C12orf42: variants seen among roughly 807,000 people sequenced by gnomAD.
C12orf42 encodes the protein chromosome 12 open reading frame 42.
C12orf42 carries 25 observed loss-of-function variants against 21.6 expected under a neutral mutation model. The observed-to-expected ratio is 1.16, with a 90% CI of 0.84 to 1.62. The LOEUF is 1.62. Ranked by LOEUF, C12orf42 falls within the 40% of genes most tolerant of loss-of-function variation. The pLI is 0.00. For synonymous variants in C12orf42, 174 were observed against 175.0 expected (o/e 0.99, Z 0.05); for missense variants, 483 against 459.3 (o/e 1.05, Z -0.47).
intron 4 of C12orf42, among the ~76,000 whole-genome samples, chr12:103,357,047 C>CA (rs1164010133): frequency 6.8e-6 from 1 of 147,838 alleles, no homozygotes; most frequent in African/African-American, 2.5e-5. Flanking sequence ...ATCGCAAGGA[C>CA]AAAAAAACCA....
the C12orf42 span, among the ~76,000 whole-genome samples, chr12:103,063,395 G>T: frequency 6.6e-6 from 1 of 152,260 alleles, no homozygotes; most frequent in South Asian, 2.1e-4. Context: ...TGACAGCATT[G>T]ATTGAAAAAG....
the C12orf42 span, among the ~76,000 whole-genome samples, chr12:103,502,212 T>A: frequency 6.6e-6 from 1 of 152,130 alleles, no homozygotes; most frequent in Admixed American, 6.5e-5. Context: ...CACTCCACCC[T>A]CCACCCCCTT....
At chr12:103,341,938 A>G (rs1459384229) in intron 4 of C12orf42, among the ~76,000 whole-genome samples, 1 of 152,248 alleles carries the variant, frequency 6.6e-6, no homozygotes, top group Non-Finnish European at 1.5e-5. Flanking sequence ...ATGTGAGTCA[A>G]TAGTTAAATA....
intron 2 of C12orf42, among the ~76,000 whole-genome samples, chr12:103,421,125 G>A (rs994073417): frequency 1.3e-5 from 2 of 152,134 alleles, no homozygotes; most frequent in African/African-American, 2.4e-5. Context: ...ACTCATCTTT[G>A]CAACTTCTGT....
chr12:103,555,061 C>T, the C12orf42 span, among the ~76,000 whole-genome samples: 4 of 152,192 alleles, frequency 2.6e-5, no homozygotes, highest in South Asian at 2.1e-4. Flanking sequence ...CAGGGTAGAG[C>T]TTCTCAGATT....
At chr12:103,530,060 C>T in the C12orf42 span, among the ~76,000 whole-genome samples, 2 of 152,294 alleles carry the variant, frequency 1.3e-5, no homozygotes, top group Middle Eastern at 3.4e-3. Context: ...TGACTTTAGG[C>T]TTTGAAAGTA....
chr12:103,249,612 C>T (rs1436429096), intron 10 of C12orf42, among the ~76,000 whole-genome samples: 3 of 151,824 alleles, frequency 2.0e-5, no homozygotes, highest in Admixed American at 6.6e-5. Flanking sequence ...ATCTGTTTTC[C>T]CTGGTTCAAT....
At chr12:103,551,675 G>A in the C12orf42 span, among the ~76,000 whole-genome samples, 2 of 152,084 alleles carry the variant, frequency 1.3e-5, no homozygotes, top group South Asian at 4.2e-4. Flanking sequence ...AAATTAGCTG[G>A]AGATGATGAC....
the C12orf42 span, among the ~76,000 whole-genome samples, chr12:103,551,430 C>T: frequency 1.3e-5 from 2 of 152,116 alleles, no homozygotes; most frequent in East Asian, 3.8e-4. Context: ...GACAGTAGAA[C>T]TGCTTGAGGC....
the C12orf42 span, among the ~76,000 whole-genome samples, chr12:103,193,671 A>C: frequency 6.6e-6 from 1 of 152,164 alleles, no homozygotes; most frequent in East Asian, 1.9e-4. Context: ...TGAATAGGCC[A>C]AAAACAAAAG....
At chr12:103,097,032 T>C in the C12orf42 span, among the ~76,000 whole-genome samples, 2 of 152,238 alleles carry the variant, frequency 1.3e-5, no homozygotes, top group African/African-American at 4.8e-5. Flanking sequence ...CTCAATGTTG[T>C]GTCCTCACAG....
At chr12:103,204,807 A>G in the C12orf42 span, among the ~76,000 whole-genome samples, 1 of 152,170 alleles carries the variant, frequency 6.6e-6, no homozygotes, top group Non-Finnish European at 1.5e-5. Context: ...AACTTTTGGG[A>G]CATGAAGAAG....
the C12orf42 span, among the ~76,000 whole-genome samples, chr12:103,541,902 A>G: frequency 6.6e-6 from 1 of 152,196 alleles, no homozygotes; most frequent in Admixed American, 6.6e-5. Context: ...AGTGATGGTT[A>G]CTGCTCACCA....
rs543638034 is a variant in C12orf42, at chr12:103,474,532, A to G, written c.78+3817T>C. On this transcript the variant is annotated intron_variant, in intron 2 of 5. Transcript: ENST00000548883. Reference sequence around the variant, plus strand: ...AATAATTCATCAAAAATCCATGTGGAACACTTTGGAGTCTTTTATTAAAAG... The same window carrying G: ...AATAATTCATCAAAAATCCATGTGGGACACTTTGGAGTCTTTTATTAAAAG... Among the ~76,000 whole-genome samples, 7 of 152,106 alleles carry G rather than the reference A, an allele frequency of 4.6e-5. No homozygotes were observed. The South Asian group carries it at 1.5e-3, about 32-fold the overall frequency.
chr12:103,141,664 G>A, the C12orf42 span, among the ~76,000 whole-genome samples: 1 of 151,718 alleles, frequency 6.6e-6, no homozygotes, highest in African/African-American at 2.4e-5. Context: ...CAAGTAGCTG[G>A]GATTACAGGC....
the C12orf42 span, among the ~76,000 whole-genome samples, chr12:103,155,671 T>TATACATATATATGTATATATACACATAC: frequency 6.7e-6 from 1 of 148,934 alleles, no homozygotes; most frequent in African/African-American, 2.5e-5. Flanking sequence ...TATACATATA[T>TATACATATATATGTATATATACACATAC]ATACATACAT....
intron 3 of C12orf42, among the ~76,000 whole-genome samples, chr12:103,391,616 T>G (rs2047085474): frequency 6.6e-6 from 1 of 151,914 alleles, no homozygotes; most frequent in South Asian, 2.1e-4. Flanking sequence ...GTTGGTCTTT[T>G]GTTGGTGATG....
At chr12:103,097,919 CA>C in the C12orf42 span, among the ~76,000 whole-genome samples, 3 of 152,112 alleles carry the variant, frequency 2.0e-5, no homozygotes, top group Admixed American at 6.6e-5. Context: ...CTGCAAGCCA[CA>C]AAACAAAACA....
At chr12:103,294,383 AG>A (rs1379558482) in intron 4 of C12orf42, among the ~76,000 whole-genome samples, 3 of 124,874 alleles carry the variant, frequency 2.4e-5, no homozygotes, top group African/African-American at 7.2e-5. Flanking sequence ...GAAAGAAGAA[AG>A]AAGAAAAAGA....
Sources: gnomAD v4.1 joint callset for allele counts (sites outside exome capture counted in the v4.1 genomes callset) on GRCh38, gnomAD v4.1.1 for gene constraint, MANE v1.5 for transcripts, NCBI Gene and HGNC (gene_info 2026-07-23, HGNC 2026-07-21) for gene names.